Variants in ANK3 observed in about 807,000 individuals in gnomAD.
ANK3 encodes ankyrin-3.
Under a neutral mutation model 370.9 loss-of-function variants are expected in ANK3, and 57 were observed. That is an observed-to-expected ratio of 0.15 (90% CI 0.12 to 0.19). ANK3 has a LOEUF of 0.19. Ranked by LOEUF, ANK3 falls within the 10% of genes least tolerant of loss-of-function variation. The pLI, the probability that ANK3 is intolerant of heterozygous loss-of-function variation, is 1.00. For missense variants in ANK3, 4,439 were observed against 5,302.1 expected (o/e 0.84, Z 5.06); for synonymous variants, 1,929 against 1,946.3 (o/e 0.99, Z 0.23).
intron 36 of ANK3, 132 bp from the exon 37 acceptor site, chr10:60,076,580 AT>A: frequency 8.2e-7 from 1 of 1,220,352 alleles, no homozygotes; most frequent in Non-Finnish European, 1.1e-6. Flanking sequence ...TGTTTGCATG[AT>A]TTAGAATGGA....
In ANK3 at chr10:60,329,898, A is replaced by G. The variant is rs565383136; in HGVS notation, c.115-50259T>C. Among the ~76,000 whole-genome samples, 136 of 152,356 alleles carry G rather than the reference A, an allele frequency of 8.9e-4. 1 individual carries two copies. Among genetic ancestry groups the G allele is most frequent in the Non-Finnish European group, 1.4e-3 (93 of 68,032 alleles). On this transcript the variant is annotated intron_variant, in intron 1 of 43. Coordinates refer to ENST00000280772, the MANE Select transcript of ANK3 (RefSeq NM_020987.5). ...TGACTTCAAACTATACTACAAGGCT[A>G]CAGTAACCAAAACAGCATGGTACTG... is the stretch of plus-strand genomic sequence containing the variant.
intron 1 of ANK3, among the ~76,000 whole-genome samples, chr10:60,654,346 A>G (rs904288059): frequency 1.3e-5 from 2 of 152,142 alleles, no homozygotes; most frequent in South Asian, 4.1e-4. Context: ...TACCGTGTTG[A>G]AAAGAAGTGA....
chr10:60,296,167 GC>G (rs2042462804), intron 1 of ANK3, among the ~76,000 whole-genome samples: 1 of 152,170 alleles, frequency 6.6e-6, no homozygotes, highest in Non-Finnish European at 1.5e-5. Flanking sequence ...CTGCTACCTT[GC>G]TTTAGTTCTC....
At chr10:60,381,993 A>T (rs1186397127) in intron 1 of ANK3, among the ~76,000 whole-genome samples, 1 of 152,166 alleles carries the variant, frequency 6.6e-6, no homozygotes, top group East Asian at 1.9e-4. Context: ...TCTTCTATTA[A>T]ACAAAATTTA....
intron 7 of ANK3, among the ~76,000 whole-genome samples, chr10:60,240,793 C>T (rs891593458): frequency 9.2e-5 from 14 of 152,040 alleles, no homozygotes; most frequent in African/African-American, 2.2e-4. Flanking sequence ...GGTTTCATCA[C>T]GTTGGCCAGG....
chr10:60,308,170 G>T (rs1409119185), intron 1 of ANK3, among the ~76,000 whole-genome samples: 1 of 152,056 alleles, frequency 6.6e-6, no homozygotes, highest in Non-Finnish European at 1.5e-5. Context: ...AATATTTCCT[G>T]TGATCTTCAT....
At chr10:60,338,479 T>A (rs191648137) in intron 1 of ANK3, among the ~76,000 whole-genome samples, 89 of 152,244 alleles carry the variant, frequency 5.8e-4, no homozygotes, top group African/African-American at 2.1e-3. Context: ...ATTGATATTG[T>A]AAGAGAAATG....
At chr10:60,376,340 T>C (rs912024750) in intron 1 of ANK3, among the ~76,000 whole-genome samples, 2 of 152,324 alleles carry the variant, frequency 1.3e-5, no homozygotes, top group East Asian at 3.9e-4. Flanking sequence ...AAGCTGAGAA[T>C]GCCAAATGAA....
intron 2 of ANK3, among the ~76,000 whole-genome samples, chr10:60,466,535 T>C (rs2065016388): frequency 6.6e-6 from 1 of 152,166 alleles, no homozygotes; most frequent in Admixed American, 6.6e-5. Flanking sequence ...TTAAATATAG[T>C]TACTATTTGA....
chr10:60,116,559 T>C (rs1011083945), intron 25 of ANK3, among the ~76,000 whole-genome samples: 1 of 150,876 alleles, frequency 6.6e-6, no homozygotes, highest in Non-Finnish European at 1.5e-5. Context: ...AGAGATGAGA[T>C]ATTTTTACAC....
chr10:60,222,458 T>G (rs2097077153), intron 8 of ANK3, among the ~76,000 whole-genome samples: 1 of 151,610 alleles, frequency 6.6e-6, no homozygotes, highest in Non-Finnish European at 1.5e-5. Context: ...CTAGCAGGCA[T>G]TTGTTCCACT....
At chr10:60,729,971 T>A (rs1326799583) in intron 1 of ANK3, among the ~76,000 whole-genome samples, 2 of 152,194 alleles carry the variant, frequency 1.3e-5, no homozygotes, top group East Asian at 3.9e-4. Flanking sequence ...TATGTCCTTT[T>A]GAATGGACAA....
chr10:60,707,533 G>A (rs1321812867), intron 1 of ANK3, among the ~76,000 whole-genome samples: 4 of 151,780 alleles, frequency 2.6e-5, no homozygotes, highest in Non-Finnish European at 5.9e-5. Context: ...GGCCAGTGTA[G>A]AATTTTTCCT....
At chr10:60,530,518 C>T (rs1260268725) in intron 2 of ANK3, among the ~76,000 whole-genome samples, 2 of 151,248 alleles carry the variant, frequency 1.3e-5, no homozygotes, top group Non-Finnish European at 1.5e-5. Context: ...GGCACTGGGG[C>T]TGACTAGACT....
chr10:60,155,344 G>T (rs2393613), intron 23 of ANK3, among the ~76,000 whole-genome samples: 86,196 of 151,978 alleles, frequency 0.57, 24,758 homozygotes, highest in Middle Eastern at 0.63. Context: ...GTACAGGACA[G>T]AATTCTGCCA....
intron 14 of ANK3, 91 bp from the exon 15 acceptor site, chr10:60,196,716 A>C: frequency 1.3e-6 from 1 of 776,006 alleles, no homozygotes; most frequent in Non-Finnish European, 2.1e-6. Context: ...AACAAACAAA[A>C]AGATATGACA....
intron 2 of ANK3, among the ~76,000 whole-genome samples, chr10:60,533,592 G>A (rs917048826): frequency 4.6e-5 from 7 of 152,066 alleles, no homozygotes; most frequent in Non-Finnish European, 1.0e-4. Context: ...GGGTGAAGAG[G>A]GAACAAAGTG....
At chr10:60,566,470 A>C (rs2077464468) in intron 2 of ANK3, among the ~76,000 whole-genome samples, 1 of 152,202 alleles carries the variant, frequency 6.6e-6, no homozygotes, top group Non-Finnish European at 1.5e-5. Flanking sequence ...GCAAAAAGCA[A>C]GTTTTTGAAG....
chr10:60,402,594 T>A (rs2063373365), intron 2 of ANK3, among the ~76,000 whole-genome samples: 1 of 152,218 alleles, frequency 6.6e-6, no homozygotes, highest in African/African-American at 2.4e-5. Context: ...TTAGGCAATA[T>A]AATGTATAAA....
Sources: allele counts gnomAD v4.1 joint callset (sites outside exome capture counted in the v4.1 genomes callset), GRCh38; gene constraint gnomAD v4.1.1; transcripts MANE v1.5; gene names NCBI Gene and HGNC (gene_info 2026-07-23, HGNC 2026-07-21).